Variants in ELP6 observed in about 807,000 individuals in gnomAD.
The protein encoded by ELP6 is elongator complex protein 6.
In ELP6, 23 loss-of-function variants were observed where a neutral mutation model predicts 28.1. The observed-to-expected ratio is 0.82, with a 90% CI of 0.59 to 1.16. The LOEUF (loss-of-function observed/expected upper bound fraction) is 1.16, where lower values mean the gene tolerates loss of function less well. ELP6 is among the 50% of genes most tolerant of loss of function. The pLI is 0.00. For missense variants in ELP6, 313 were observed against 334.6 expected (o/e 0.94, Z 0.50); for synonymous variants, 132 against 135.8 (o/e 0.97, Z 0.19).
At position 47,496,073 on chromosome 3, in the gene ELP6, A is replaced by C; in HGVS notation, c.797T>G (p.Leu266Arg). Residue 266 changes from leucine (L) to arginine (R), a missense_variant, in exon 7 of 7, where the codon CTG becomes CGG. By Grantham distance (102) the Leu-to-Arg change is moderately radical. Transcript: ENST00000296149. Reference sequence around the variant, plus strand: ...TTCAGCTGCTCCGAAATCAGGTCACAGAACAGCAGGAGACATTCCTTTGGC... The same window carrying C: ...TTCAGCTGCTCCGAAATCAGGTCACCGAACAGCAGGAGACATTCCTTTGGC... ...FFAKGMSPAV[L>R] 1 of 1,614,162 alleles carries C rather than the reference A, an allele frequency of 6.2e-7. No homozygotes were observed.
In ELP6 at chr3:47,498,301, C is replaced by T. The variant is rs201760674; in HGVS notation, c.657G>A (p.Arg219=). The T allele has an allele frequency of 1.1e-3, 1,701 of 1,613,502 alleles. 3 individuals are homozygous for T. The highest frequency in any genetic ancestry group is 4.4e-3 in the South Asian group (404 of 91,090). The change falls in exon 6 of 7, where the codon AGG becomes AGA. Residue 219 remains arginine (R), a synonymous_variant. Transcript: ENST00000296149. ...CCCTGCATACCTGCCCGTGCACATCCCTGCAGAAGCCAGTGGCCAGGCCCT... is the reference window on the plus strand; with the variant it reads ...CCCTGCATACCTGCCCGTGCACATCTCTGCAGAAGCCAGTGGCCAGGCCCT... The part of the protein sequence containing the change: ...RAEGLATGFC[R]DVHGQLRILW...
At chr3:47,513,052 G>A in intron 1 of ELP6, 2 of 970,198 alleles carry the variant, frequency 2.1e-6, no homozygotes, top group Non-Finnish European at 2.4e-6. Flanking sequence ...GTGCGGTGGC[G>A]AGATCTCGGG....
At position 47,504,461 on chromosome 3, in the gene ELP6, AAG is replaced by A. The variant is rs1355144157; in HGVS notation, c.205-15_205-14del. ...TCAGGCTGACACCCTAAACATGAAA[AAG>A]AGAGTGAGTTACTATGCCTTGTAGG... On this transcript the variant is annotated splice_polypyrimidine_tract_variant and intron_variant, in intron 3 of 6. Transcript: ENST00000296149. The A allele has an allele frequency of 1.3e-6, 2 of 1,591,966 alleles. No individual in the cohort carries two copies. The highest frequency in any genetic ancestry group is 2.7e-5 in the African/African-American group (2 of 74,328).
chr3:47,511,114 G>T (rs1349605992), intron 2 of ELP6, 34 bp downstream of exon 2: 3 of 1,573,608 alleles, frequency 1.9e-6, no homozygotes, highest in Non-Finnish European at 2.6e-6. Flanking sequence ...ACCCATCTTG[G>T]GTTTCTTTTC....
At chr3:47,497,271 G>A (rs777284797) in intron 6 of ELP6, 16 of 985,248 alleles carry the variant, frequency 1.6e-5, no homozygotes, top group Non-Finnish European at 1.9e-5. Context: ...TACTCCAATT[G>A]TTCTGGTGAG....
In ELP6 at chr3:47,513,689, A is replaced by T; in HGVS notation, c.-99T>A. On this transcript the variant is annotated 5_prime_UTR_variant, in exon 1 of 7. The change creates a premature stop within an existing upstream ORF in the 5' untranslated region. Transcript: ENST00000296149. Reference sequence around the variant, plus strand: ...ACACACCCGACAGCCCGGCTCGCGCAAGGAAGCGCGCATGCGCAATGCCAC... The same window carrying T: ...ACACACCCGACAGCCCGGCTCGCGCTAGGAAGCGCGCATGCGCAATGCCAC... 1 of 1,505,820 alleles carries T rather than the reference A, an allele frequency of 6.6e-7. No individual in the cohort carries two copies. The highest frequency in any genetic ancestry group is 9.1e-7 in the Non-Finnish European group (1 of 1,102,628). The allele number at this position is 1,505,820 out of a possible 1,614,324, so 93.3% of individuals were successfully genotyped here.
In ELP6 at chr3:47,511,216, G is replaced by C. The variant is rs1176920921; in HGVS notation, c.65C>G (p.Thr22Ser). Residue 22 changes from threonine to serine, a missense_variant, in exon 2 of 7, where the codon ACT (threonine) becomes AGT (serine). By Grantham distance (58) the Thr-to-Ser change is moderately conservative. Transcript: ENST00000296149. Reference sequence around the variant, plus strand: ...ATCTGTCTTGGCATCACAGAGTAGAGTCAGTTTCCCCTAAAAGTTACAAGG... The same window carrying C: ...ATCTGTCTTGGCATCACAGAGTAGACTCAGTTTCCCCTAAAAGTTACAAGG... ...TPDRAEQGKLTLLCDAKTDGS... is the reference protein window; with the variant it reads ...TPDRAEQGKLSLLCDAKTDGS... 3.1e-6 allele frequency: 5 copies of C among 1,614,084 alleles called. No homozygotes were observed. The highest frequency in any genetic ancestry group is 1.6e-4 in the Middle Eastern group (1 of 6,062).
rs1362245767 is a variant in ELP6 at position 47,496,063 on chromosome 3, A to G, written c.*6T>C. 6.2e-7 allele frequency: 1 copy of G among 1,613,934 alleles called. No homozygotes were observed. The highest frequency in any genetic ancestry group is 8.5e-7 in the Non-Finnish European group (1 of 1,179,994). ...CCTATGTAGCTTCAGCTGCTCCGAAATCAGGTCACAGAACAGCAGGAGACA... is the reference window on the plus strand; with the variant it reads ...CCTATGTAGCTTCAGCTGCTCCGAAGTCAGGTCACAGAACAGCAGGAGACA... On this transcript the variant is annotated 3_prime_UTR_variant, in exon 7 of 7. Coordinates refer to ENST00000296149, the MANE Select transcript of ELP6 (RefSeq NM_001031703.3).
At position 47,501,887 on chromosome 3, in the gene ELP6, C is replaced by T. The variant is rs749388609; in HGVS notation, c.324-36G>A. Reference sequence around the variant, plus strand: ...AGGACAAAAGTTACCAGACTTCACTCTCTCTACAGATGTTTATCAAGGACC... The same window carrying T: ...AGGACAAAAGTTACCAGACTTCACTTTCTCTACAGATGTTTATCAAGGACC... On this transcript the variant is annotated intron_variant, in intron 4 of 6. Coordinates refer to ENST00000296149, the MANE Select transcript of ELP6 (RefSeq NM_001031703.3). 23 of 1,585,252 alleles carry T rather than the reference C, an allele frequency of 1.5e-5. No individual in the cohort carries two copies. The African/African-American group carries it at 2.8e-4, about 20-fold the overall frequency.
In ELP6 at chr3:47,501,956, T is replaced by A. The variant is rs979252802; in HGVS notation, c.324-105A>T. 1.0e-5 allele frequency: 11 copies of A among 1,060,200 alleles called. No individual in the cohort carries two copies. In the Admixed American group the frequency reaches 2.7e-4, roughly 26 times the overall value. 65.7% of individuals were successfully genotyped at this position (1,060,200 alleles called of 1,614,324 possible). A position where few individuals can be genotyped will look rare whatever the true frequency, so the allele number is the denominator to read the frequency against. On this transcript the variant is annotated intron_variant, in intron 4 of 6. Coordinates refer to ENST00000296149, the MANE Select transcript of ELP6 (RefSeq NM_001031703.3). ...GGGCTAAGGGGGACAAAGAACTGTA[T>A]CACAATTCTTGGCAACAAAGACTTC...
chr3:47,510,360 A>C (rs2108134647), intron 2 of ELP6, 106 bp from the exon 3 acceptor site: 1 of 838,896 alleles, frequency 1.2e-6, no homozygotes, highest in Admixed American at 2.6e-5. Context: ...AGAGACCCAG[A>C]GGCTTTGCAA....
intron 2 of ELP6, among the ~76,000 whole-genome samples, chr3:47,510,743 A>G (rs1029837402): frequency 4.6e-5 from 7 of 152,328 alleles, no homozygotes; most frequent in African/African-American, 1.7e-4. Flanking sequence ...ATAGATAATG[A>G]GCCATTACGC....
chr3:47,498,618 C>A, intron 5 of ELP6, 186 bp from the exon 6 acceptor site: 9 of 985,420 alleles, frequency 9.1e-6, no homozygotes, highest in Non-Finnish European at 1.1e-5. Flanking sequence ...TGGACAACTT[C>A]ACCCATATTT....
At chr3:47,505,057 A>G (rs967435339) in intron 3 of ELP6, among the ~76,000 whole-genome samples, 8 of 152,238 alleles carry the variant, frequency 5.3e-5, no homozygotes, top group Admixed American at 3.3e-4. Flanking sequence ...ACCTGAGGTC[A>G]GGAGTTCAAG....
chr3:47,510,206 T>C lies in ELP6; in HGVS notation c.182A>G (p.Tyr61Cys). The C allele has an allele frequency of 6.2e-7, 1 of 1,614,048 alleles. No individual in the cohort carries two copies. The highest frequency in any genetic ancestry group is 8.5e-7 in the Non-Finnish European group (1 of 1,179,874). The change falls in exon 3 of 7, where the codon TAC (tyrosine) becomes TGC (cysteine). Residue 61 changes from tyrosine (Y) to cysteine (C), a missense_variant. Coordinates refer to ENST00000296149, the MANE Select transcript of ELP6 (RefSeq NM_001031703.3). ...TACCAGCTTCTGTCCCACGATACTGTAGTGGCTGAAGGACTGGATGAGTGC... is the reference window on the plus strand; with the variant it reads ...TACCAGCTTCTGTCCCACGATACTGCAGTGGCTGAAGGACTGGATGAGTGC... ...FVALIQSFSH[Y>C]SIVGQKLGVS...
intron 3 of ELP6, among the ~76,000 whole-genome samples, chr3:47,506,829 T>C (rs879929279): frequency 1.5e-4 from 23 of 152,104 alleles, no homozygotes; most frequent in Admixed American, 1.3e-3. Flanking sequence ...GCACAGGAAA[T>C]TATAAAAGTA....
rs532411817 is a variant in ELP6 at position 47,501,885 on chromosome 3, C to T, written c.324-34G>A. 2.0e-4 allele frequency: 314 copies of T among 1,587,860 alleles called. 7 individuals are homozygous for T. The South Asian group carries it at 3.5e-3, about 18-fold the overall frequency. ...ACAGGACAAAAGTTACCAGACTTCACTCTCTCTACAGATGTTTATCAAGGA... is the reference window on the plus strand; with the variant it reads ...ACAGGACAAAAGTTACCAGACTTCATTCTCTCTACAGATGTTTATCAAGGA... On this transcript the variant is annotated intron_variant, in intron 4 of 6. Transcript: ENST00000296149.
At chr3:47,499,194 T>C (rs184697372) in intron 5 of ELP6, among the ~76,000 whole-genome samples, 9 of 152,200 alleles carry the variant, frequency 5.9e-5, no homozygotes, top group African/African-American at 1.7e-4. Flanking sequence ...CCAGGCAACA[T>C]AGTGAGACCC....
chr3:47,509,752 G>C (rs1227527005), intron 3 of ELP6, among the ~76,000 whole-genome samples: 1 of 152,120 alleles, frequency 6.6e-6, no homozygotes, highest in African/African-American at 2.4e-5. Flanking sequence ...TTCGAGTAAG[G>C]GGTTCAGGAT....
Sources: gnomAD v4.1 joint callset for allele counts (sites outside exome capture counted in the v4.1 genomes callset) on GRCh38, gnomAD v4.1.1 for gene constraint, MANE v1.5 for transcripts, NCBI Gene and HGNC (gene_info 2026-07-23, HGNC 2026-07-21) for gene names.